The following FRY variants were observed in gnomAD, a reference collection of about 807,000 sequenced individuals.
FRY encodes the protein protein furry homolog.
In FRY, 128 loss-of-function variants were observed where a neutral mutation model predicts 348.4. That is an observed-to-expected ratio of 0.37 (90% CI 0.32 to 0.43). FRY has a LOEUF of 0.43. Among genes scored for constraint, FRY ranks in the 20% least tolerant of loss-of-function variants. The pLI, the probability that FRY is intolerant of heterozygous loss-of-function variation, is 1.00. For missense variants in FRY, 2,736 were observed against 3,695.2 expected, an observed-to-expected ratio of 0.74 and a Z score of 6.73; for synonymous variants, 1,370 against 1,374.7, an observed-to-expected ratio of 1.00 and a Z score of 0.08.
chr13:32,176,959 C>A (rs908117960), intron 20 of FRY, among the ~76,000 whole-genome samples: 1 of 152,202 alleles, frequency 6.6e-6, no homozygotes, highest in Non-Finnish European at 1.5e-5. Context: ...AGGCTTTGGG[C>A]AGAGCCTATG....
intron 3 of FRY, among the ~76,000 whole-genome samples, chr13:32,113,982 T>C (rs1878137377): frequency 6.6e-6 from 1 of 152,128 alleles, no homozygotes; most frequent in Non-Finnish European, 1.5e-5. Context: ...GACTTTTTAA[T>C]GGGGGAGAAA....
At chr13:32,240,532 G>A (rs891404040) in intron 46 of FRY, among the ~76,000 whole-genome samples, 2 of 152,102 alleles carry the variant, frequency 1.3e-5, no homozygotes, top group African/African-American at 4.8e-5. Flanking sequence ...TCATACCAAC[G>A]TGTTTCTAGT....
intron 1 of FRY, among the ~76,000 whole-genome samples, chr13:32,042,043 T>A (rs1396006838): frequency 6.6e-6 from 1 of 152,244 alleles, no homozygotes; most frequent in Admixed American, 6.5e-5. Flanking sequence ...TATCTTAGCT[T>A]CTTTTCCTTT....
At chr13:32,110,498 T>G (rs1877886335) in intron 3 of FRY, among the ~76,000 whole-genome samples, 1 of 152,014 alleles carries the variant, frequency 6.6e-6, no homozygotes, top group African/African-American at 2.4e-5. Context: ...AAAGCAACAC[T>G]CCAAAATAAC....
At chr13:32,209,328 A>G (rs1884546079) in intron 32 of FRY, among the ~76,000 whole-genome samples, 1 of 152,232 alleles carries the variant, frequency 6.6e-6, no homozygotes. Flanking sequence ...CGTATTTTAC[A>G]GCAATTTTAA....
chr13:32,094,011 G>A (rs145274129), intron 2 of FRY, among the ~76,000 whole-genome samples: 208 of 152,286 alleles, frequency 1.4e-3, no homozygotes, highest in African/African-American at 4.5e-3. Flanking sequence ...ATTATTTTGA[G>A]CTTCCTTTGC....
At position 32,054,216 on chromosome 13, in the gene FRY, T is replaced by G. The variant is rs189965606; in HGVS notation, c.70+22351T>G. ...GTCATCTTGAACACACCCTTTTTTT[T>G]TTGTTGTTCTGTATGACTATTCAGG... is the stretch of plus-strand genomic sequence containing the variant. On this transcript the variant is annotated intron_variant, in intron 1 of 60. Coordinates refer to ENST00000542859, the MANE Select transcript of FRY (RefSeq NM_023037.3). Among the ~76,000 whole-genome samples, 550 of 152,102 alleles carry G rather than the reference T, an allele frequency of 3.6e-3. 1 individual carries two copies. The highest frequency in any genetic ancestry group is 0.012 in the African/African-American group (504 of 41,500).
intron 28 of FRY, among the ~76,000 whole-genome samples, chr13:32,192,120 G>A (rs1292412302): frequency 6.6e-6 from 1 of 152,122 alleles, no homozygotes; most frequent in African/African-American, 2.4e-5. Flanking sequence ...TCTGGTTTTT[G>A]ACCTGGTGGT....
intron 24 of FRY, among the ~76,000 whole-genome samples, chr13:32,183,578 C>G (rs1882840069): frequency 6.6e-6 from 1 of 151,854 alleles, no homozygotes; most frequent in Admixed American, 6.6e-5. Context: ...GAGATCGAGA[C>G]CATCCTGGCC....
rs1260891350 is a variant in FRY, at chr13:32,161,269, T to G, written c.1892+18T>G. 7.1e-7 allele frequency: 1 copy of G among 1,414,252 alleles called. No homozygotes were observed. Among genetic ancestry groups the G allele is most frequent in the South Asian group, 1.1e-5 (1 of 87,092 alleles). The allele number at this position is 1,414,252 out of a possible 1,614,324, so 87.6% of individuals were successfully genotyped here. On this transcript the variant is annotated intron_variant, in intron 17 of 60. Coordinates refer to ENST00000542859, the MANE Select transcript of FRY (RefSeq NM_023037.3). ...CTGGCTAGGTAGGTGAGAATATTAT[T>G]TGGCCAAAATTAATTTCGATCCTTT...
At chr13:32,095,422 A>C (rs1041248797) in intron 2 of FRY, among the ~76,000 whole-genome samples, 1 of 126,720 alleles carries the variant, frequency 7.9e-6, no homozygotes, top group African/African-American at 3.0e-5. Context: ...GTCTTGGCTC[A>C]CTGCAACCTC....
At chr13:32,197,787 A>G (rs1405689786) in intron 29 of FRY, among the ~76,000 whole-genome samples, 2 of 152,224 alleles carry the variant, frequency 1.3e-5, no homozygotes, top group African/African-American at 2.4e-5. Flanking sequence ...GTCACATAGT[A>G]CTAGGTAAGC....
At position 32,244,218 on chromosome 13, in the gene FRY, G is replaced by A. The variant is rs1238831206; in HGVS notation, c.6828+36G>A. On this transcript the variant is annotated intron_variant, in intron 47 of 60. Coordinates refer to ENST00000542859, the MANE Select transcript of FRY (RefSeq NM_023037.3). Reference sequence around the variant, plus strand: ...GGATAACTTCACTAAGCAACCAGTCGTTCTAAAAAGATGGAGGCTTTTCCT... The same window carrying A: ...GGATAACTTCACTAAGCAACCAGTCATTCTAAAAAGATGGAGGCTTTTCCT... The A allele has an allele frequency of 7.5e-6, 12 of 1,594,644 alleles. No individual in the cohort carries two copies. In the East Asian group the frequency reaches 2.0e-4, roughly 27 times the overall value.
chr13:32,032,820 T>G (rs1872311631), intron 1 of FRY, among the ~76,000 whole-genome samples: 1 of 152,158 alleles, frequency 6.6e-6, no homozygotes, highest in Non-Finnish European at 1.5e-5. Context: ...ATAAAAAAAT[T>G]TTTTCCCCGT....
At chr13:32,068,718 T>C (rs1277766261) in intron 1 of FRY, among the ~76,000 whole-genome samples, 1 of 152,142 alleles carries the variant, frequency 6.6e-6, no homozygotes, top group Non-Finnish European at 1.5e-5. Context: ...GAGACAAAAA[T>C]GGTTTTGAGA....
At chr13:32,038,924 C>T (rs1054425872) in intron 1 of FRY, among the ~76,000 whole-genome samples, 5 of 152,224 alleles carry the variant, frequency 3.3e-5, no homozygotes, top group Admixed American at 6.5e-5. Context: ...ATGCATCCCA[C>T]CTGGATCCTT....
At chr13:32,228,682 G>A in intron 40 of FRY, 28 bp downstream of exon 40, 1 of 1,602,240 alleles carries the variant, frequency 6.2e-7, no homozygotes, top group African/African-American at 1.3e-5. Context: ...GTCCGCTGCT[G>A]TTTGCAGGTT....
chr13:32,187,532 G>T lies in FRY; in HGVS notation c.3481-14G>T. 6.6e-7 allele frequency: 1 copy of T among 1,511,288 alleles called. No homozygotes were observed. The highest frequency in any genetic ancestry group is 1.1e-5 in the South Asian group (1 of 89,010). 93.6% of individuals were successfully genotyped at this position (1,511,288 alleles called of 1,614,324 possible). ...AAGTTTCATTTCCATGTCTTGTTGT[G>T]TTTTTATCATCAGGCAATGTCAGCA... On this transcript the variant is annotated splice_polypyrimidine_tract_variant and intron_variant, in intron 27 of 60. Coordinates refer to ENST00000542859, the MANE Select transcript of FRY (RefSeq NM_023037.3).
Position 32,178,372 on chromosome 13 carries a change from C to T in FRY, c.2617C>T (p.Leu873Phe). The change falls in exon 21 of 61, where the codon CTC (leucine) becomes TTC (phenylalanine). Residue 873 changes from leucine (L) to phenylalanine (F), a missense_variant. Leu to Phe is a conservative substitution (Grantham distance 22). Transcript: ENST00000542859. ...CTTACCCAAGCACTGCCCCACAGCC[C>T]TCAGCTATGCCTGGCCTTATGCCTT... ...ENLPKHCPTA[L>F]SYAWPYAFTR... 1.2e-6 allele frequency: 2 copies of T among 1,614,190 alleles called. No individual in the cohort carries two copies. The highest frequency in any genetic ancestry group is 1.7e-6 in the Non-Finnish European group (2 of 1,179,998).
Sources: gnomAD v4.1 joint callset for allele counts (sites outside exome capture counted in the v4.1 genomes callset) on GRCh38, gnomAD v4.1.1 for gene constraint, MANE v1.5 for transcripts, NCBI Gene and HGNC (gene_info 2026-07-23, HGNC 2026-07-21) for gene names.